CPS1: variants seen among roughly 807,000 people sequenced by gnomAD.
The protein encoded by CPS1 is carbamoyl-phosphate synthase [ammonia], mitochondrial.
In CPS1, 109 loss-of-function variants were observed where a neutral mutation model predicts 174.6. The ratio of observed to expected loss-of-function variants is 0.62; its 90% CI spans 0.53 to 0.73. The LOEUF is 0.73. Among genes scored for constraint, CPS1 ranks in the 30% least tolerant of loss-of-function variants. CPS1 has a pLI of 0.00. For missense variants in CPS1, 1,689 were observed against 1,821.9 expected (o/e 0.93, Z 1.33); for synonymous variants, 637 against 632.0 (o/e 1.01, Z -0.12).
chr2:210,613,476 T>A (rs2105861242), intron 20 of CPS1, among the ~76,000 whole-genome samples: 1 of 151,930 alleles, frequency 6.6e-6, no homozygotes, highest in East Asian at 2.0e-4. Flanking sequence ...TGATAAGAAG[T>A]TATTTTAGAA....
At chr2:210,519,658 C>A in intron 1 of CPS1, 1 of 646,348 alleles carries the variant, frequency 1.5e-6, no homozygotes, top group Non-Finnish European at 1.9e-6. Context: ...GCCTCGCTTG[C>A]ATCTAGACAC....
intron 1 of CPS1, among the ~76,000 whole-genome samples, chr2:210,557,179 G>C (rs1251785170): frequency 4.6e-5 from 7 of 152,112 alleles, no homozygotes; most frequent in Non-Finnish European, 8.8e-5. Context: ...ATTGCTTACA[G>C]TTTGGATTTA....
intron 21 of CPS1, chr2:210,618,881 A>T (rs1006006290): frequency 6.6e-6 from 1 of 152,110 alleles, no homozygotes; most frequent in Non-Finnish European, 1.5e-5. Context: ...GCTGACTTAC[A>T]TATTGCGAGT....
At chr2:210,590,751 A>AT in intron 8 of CPS1, 49 bp from the exon 9 acceptor site, 2 of 1,472,074 alleles carry the variant, frequency 1.4e-6, no homozygotes, top group Non-Finnish European at 1.9e-6. Context: ...CAGAAGCAAC[A>AT]TTTTTTGGAA....
chr2:210,556,407 A>G (rs1478123493), upstream of CPS1: 4 of 522,506 alleles, frequency 7.7e-6, no homozygotes, highest in Non-Finnish European at 1.4e-5. Flanking sequence ...TCAGCTGCAT[A>G]AACAATTCCT....
At chr2:210,645,896 CAGAT>C (rs1457681042) in intron 25 of CPS1, among the ~76,000 whole-genome samples, 2 of 152,142 alleles carry the variant, frequency 1.3e-5, no homozygotes, top group Non-Finnish European at 2.9e-5. Flanking sequence ...AAAGTCAAAA[CAGAT>C]AGTCCAGGAT....
At chr2:210,608,628 A>G (rs1487929211) in intron 19 of CPS1, 69 bp downstream of exon 19, 1 of 1,507,970 alleles carries the variant, frequency 6.6e-7, no homozygotes, top group Non-Finnish European at 9.2e-7. Context: ...GACACCATTG[A>G]CAGTGTTAAA....
At chr2:210,483,917 C>A (rs1233678526) in intron 1 of CPS1, among the ~76,000 whole-genome samples, 24 of 152,140 alleles carry the variant, frequency 1.6e-4, no homozygotes, top group Non-Finnish European at 2.9e-5. Flanking sequence ...TTTGCTCATT[C>A]ATTGATCCAT....
intron 21 of CPS1, among the ~76,000 whole-genome samples, chr2:210,621,266 C>T (rs576572488): frequency 6.6e-6 from 1 of 152,070 alleles, no homozygotes; most frequent in South Asian, 2.1e-4. Context: ...TTACTCAGTA[C>T]GATATAAGTT....
intron 16 of CPS1, among the ~76,000 whole-genome samples, chr2:210,602,951 C>T (rs1216816762): frequency 6.6e-6 from 1 of 151,984 alleles, no homozygotes; most frequent in Admixed American, 6.6e-5. Context: ...ATATTAGGAA[C>T]TACTTCTTTC....
chr2:210,608,977 A>T (rs1699020101), intron 19 of CPS1, among the ~76,000 whole-genome samples: 1 of 151,998 alleles, frequency 6.6e-6, no homozygotes, highest in South Asian at 2.1e-4. Context: ...TAGTCCATTC[A>T]TGCAAATTGT....
chr2:210,488,338 A>G (rs890691077), intron 1 of CPS1, among the ~76,000 whole-genome samples: 2 of 152,158 alleles, frequency 1.3e-5, no homozygotes, highest in African/African-American at 4.8e-5. Flanking sequence ...TCAGTTGTCA[A>G]TGCAAAGTTC....
At chr2:210,555,783 A>G (rs897894374), upstream of CPS1, 14 of 407,574 alleles carry the variant, frequency 3.4e-5, no homozygotes, top group African/African-American at 2.9e-4. Context: ...AGGCCCCTTG[A>G]GAGCCTGGTT....
intron 34 of CPS1, among the ~76,000 whole-genome samples, chr2:210,668,968 A>G (rs751227726): frequency 2.6e-5 from 4 of 152,194 alleles, no homozygotes; most frequent in Non-Finnish European, 5.9e-5. Context: ...TTATTTGATT[A>G]AATTTCTCAA....
Position 210,629,878 on chromosome 2 carries a change from G to T in CPS1, c.2688-7824G>T, listed in dbSNP as rs1559115967. Among the ~76,000 whole-genome samples, 4 of 147,754 alleles carry T rather than the reference G, an allele frequency of 2.7e-5. No homozygotes were observed. The South Asian group carries it at 8.7e-4, about 32-fold the overall frequency. ...ATCCTGGCTAACACGGTGAAACCCC[G>T]ACTCTAATAAAAATACAAAAAAAAA... On this transcript the variant is annotated intron_variant, in intron 21 of 37. Coordinates refer to ENST00000233072, the MANE Select transcript of CPS1 (RefSeq NM_001875.5).
intron 1 of CPS1, among the ~76,000 whole-genome samples, chr2:210,545,980 C>T (rs1158605780): frequency 6.6e-6 from 1 of 151,942 alleles, no homozygotes; most frequent in Non-Finnish European, 1.5e-5. Context: ...TTGATTTAGC[C>T]TGTTATGGTT....
chr2:210,506,532 ATGACTC>A (rs2105969024), intron 1 of CPS1, among the ~76,000 whole-genome samples: 1 of 152,252 alleles, frequency 6.6e-6, no homozygotes, highest in South Asian at 2.1e-4. Flanking sequence ...AACATGGAGA[ATGACTC>A]TGACGAGCTG....
intron 1 of CPS1, among the ~76,000 whole-genome samples, chr2:210,483,105 T>C (rs1694620467): frequency 6.6e-6 from 1 of 152,182 alleles, no homozygotes; most frequent in Admixed American, 6.5e-5. Context: ...TTTTATACCC[T>C]TTCATCTTGG....
chr2:210,622,553 C>T (rs1251630453), intron 21 of CPS1, among the ~76,000 whole-genome samples: 1 of 151,684 alleles, frequency 6.6e-6, no homozygotes, highest in Non-Finnish European at 1.5e-5. Flanking sequence ...GTAGAATCAG[C>T]ATATATAATG....
Sources: allele counts gnomAD v4.1 joint callset (sites outside exome capture counted in the v4.1 genomes callset), GRCh38; gene constraint gnomAD v4.1.1; transcripts MANE v1.5; gene names NCBI Gene and HGNC (gene_info 2026-07-23, HGNC 2026-07-21).